IDH2: variants seen among roughly 807,000 people sequenced by gnomAD.
IDH2 encodes isocitrate dehydrogenase (NADP(+)) 2.
IDH2 carries 18 observed loss-of-function variants against 50.5 expected under a neutral mutation model. The observed-to-expected ratio is 0.36, with a 90% CI of 0.25 to 0.53. IDH2 has a LOEUF of 0.53. Among genes scored for constraint, IDH2 ranks in the 20% least tolerant of loss-of-function variants. IDH2 has a pLI of 0.92. For missense variants in IDH2, 518 were observed against 610.7 expected (o/e 0.85, Z 1.60); for synonymous variants, 280 against 239.8 (o/e 1.17, Z -1.55).
At position 90,087,116 on chromosome 15, in the gene IDH2, G is replaced by T. The variant is rs1947278800; in HGVS notation, c.963C>A (p.Ala321=). The T allele has an allele frequency of 6.2e-7, 1 of 1,614,140 alleles. No individual in the cohort carries two copies. Among genetic ancestry groups the T allele is most frequent in the African/African-American group, 1.3e-5 (1 of 75,026 alleles). The change falls in exon 7 of 11, where the codon GCC becomes GCA. Residue 321 remains alanine, a synonymous_variant. Transcript: ENST00000330062. ...AGCAGCGTCCTCCCAGCGTACCCTGGGCCAGGATGTCTGACTGCACATCTC... is the reference window on the plus strand; with the variant it reads ...AGCAGCGTCCTCCCAGCGTACCCTGTGCCAGGATGTCTGACTGCACATCTC... ...YDGDVQSDIL[A]QGFGSLGLMT... is the part of the protein sequence containing the mutation.
Position 90,091,604 on chromosome 15 carries a change from C to T in IDH2, c.156G>A (p.Glu52=), listed in dbSNP as rs1157649607. Residue 52 remains glutamate (E), a synonymous_variant, in exon 2 of 11, where the codon GAG becomes GAA. Transcript: ENST00000330062. The part of the protein sequence containing the change: ...KRIKVAKPVV[E]MDGDEMTRII... The stretch of plus-strand genomic sequence containing the variant: ...TACGGGTCATCTCATCACCATCCAT[C>T]TCCACCACGGGCTTCGCCACCTTGA... 2 of 1,614,116 alleles carry T rather than the reference C, an allele frequency of 1.2e-6. No individual in the cohort carries two copies. The highest frequency in any genetic ancestry group is 1.7e-6 in the Non-Finnish European group (2 of 1,180,034).
chr15:90,089,841 G>C (rs897752201), intron 3 of IDH2, among the ~76,000 whole-genome samples: 3 of 152,182 alleles, frequency 2.0e-5, no homozygotes, highest in Non-Finnish European at 4.4e-5. Flanking sequence ...GTCTAGGCCT[G>C]GTGGGGGCAC....
intron 6 of IDH2, 38 bp downstream of exon 6, chr15:90,087,401 G>A: frequency 6.2e-7 from 1 of 1,613,992 alleles, no homozygotes; most frequent in South Asian, 1.1e-5. Context: ...ATGGGGGGAA[G>A]GGAAGAAAGG....
chr15:90,095,620 A>T (rs1377353962), intron 1 of IDH2, among the ~76,000 whole-genome samples: 1 of 152,088 alleles, frequency 6.6e-6, no homozygotes, highest in African/African-American at 2.4e-5. Flanking sequence ...AAGATCAAAG[A>T]CCTGATGTGT....
chr15:90,084,498 G>A lies in IDH2; in HGVS notation c.1272-145C>T. The A allele has an allele frequency of 1.3e-6, 1 of 775,818 alleles. No individual in the cohort carries two copies. The highest frequency in any genetic ancestry group is 1.5e-5 in the South Asian group (1 of 67,428). The allele number at this position is 775,818 out of a possible 1,614,324, so 48.1% of individuals were successfully genotyped here. On this transcript the variant is annotated intron_variant, in intron 10 of 10. Coordinates refer to ENST00000330062, the MANE Select transcript of IDH2 (RefSeq NM_002168.4). This position sits in a 1 kb window ranked among gnomAD's most constrained non-coding sequence, Gnocchi z 5.0. ...GACTACAGGCCAGAGGCCAGCTATA[G>A]CCCCCTACCATGAGGCCACCGAGAT...
At chr15:90,087,601 G>C in intron 5 of IDH2, 26 bp from the exon 6 acceptor site, 2 of 1,612,250 alleles carry the variant, frequency 1.2e-6, no homozygotes, top group Non-Finnish European at 1.7e-6. Flanking sequence ...CAGGGCCCTG[G>C]CGTGGTGCCC....
intron 1 of IDH2, among the ~76,000 whole-genome samples, chr15:90,094,985 C>T (rs758575012): frequency 8.5e-5 from 13 of 152,086 alleles, no homozygotes; most frequent in Non-Finnish European, 1.9e-4. Flanking sequence ...GGCCTAGAAA[C>T]CACCTCGGCA....
intron 2 of IDH2, 33 bp from the exon 3 acceptor site, chr15:90,090,677 CCA>C: frequency 3.1e-6 from 5 of 1,611,626 alleles, no homozygotes; most frequent in Non-Finnish European, 4.2e-6. Context: ...AGGCGTCACC[CCA>C]GTGACTCAGG....
In IDH2 at chr15:90,087,168, A is replaced by C. The variant is rs780922457; in HGVS notation, c.911T>G (p.Phe304Cys). ...VAQVLKSSGG[F>C]VWACKNYDGD... Reference sequence around the variant, plus strand: ...GTCATAGTTCTTGCAGGCCCACACAAAGCCACCCGAAGACTTGAGGACCTG... The same window carrying C: ...GTCATAGTTCTTGCAGGCCCACACACAGCCACCCGAAGACTTGAGGACCTG... The change falls in exon 7 of 11, where the codon TTT (phenylalanine) becomes TGT (cysteine). Residue 304 changes from phenylalanine (F) to cysteine (C), a missense_variant. Coordinates refer to ENST00000330062, the MANE Select transcript of IDH2 (RefSeq NM_002168.4). 6.2e-7 allele frequency: 1 copy of C among 1,614,062 alleles called. No individual in the cohort carries two copies. Among genetic ancestry groups the C allele is most frequent in the Admixed American group, 1.7e-5 (1 of 59,998 alleles).
chr15:90,085,390 G>A lies in IDH2; in HGVS notation c.968-3C>T. ...CATCAGGCCAAGGGAGCCAAAGCCT[G>A]GAGGGTAGAAAGCCTTTCTCTCAGG... On this transcript the variant is annotated splice_region_variant and splice_polypyrimidine_tract_variant and intron_variant, in intron 7 of 10. Transcript: ENST00000330062. The surrounding 1 kb of genome is among the most constrained non-coding windows in gnomAD (Gnocchi z 5.5). 1 of 1,551,784 alleles carries A rather than the reference G, an allele frequency of 6.4e-7. No individual in the cohort carries two copies. Among genetic ancestry groups the A allele is most frequent in the Admixed American group, 2.0e-5 (1 of 51,160 alleles).
Position 90,098,540 on chromosome 15 carries a change from A to ATGTATGCATGCATGTATGTATGTG in IDH2, c.115+3735_115+3736insCACATACATACATGCATGCATACA, listed in dbSNP as rs1555462248. Among the ~76,000 whole-genome samples, 1 of 146,696 alleles carries ATGTATGCATGCATGTATGTATGTG rather than the reference A, an allele frequency of 6.8e-6. No homozygotes were observed. The highest frequency in any genetic ancestry group is 1.5e-5 in the Non-Finnish European group (1 of 66,208). ...TATGTATGTATGCATGCATGTATGT[A>ATGTATGCATGCATGTATGTATGTG]TGTATGTATGTATGTATGTATTGAG... On this transcript the variant is annotated intron_variant, in intron 1 of 10. Transcript: ENST00000330062. This position sits in a 1 kb window ranked among gnomAD's most constrained non-coding sequence, Gnocchi z 5.1.
At chr15:90,101,206 G>T (rs964702947) in intron 1 of IDH2, among the ~76,000 whole-genome samples, 1 of 152,022 alleles carries the variant, frequency 6.6e-6, no homozygotes. Flanking sequence ...CCCACAATCC[G>T]GTTAACCATT....
intron 1 of IDH2, among the ~76,000 whole-genome samples, chr15:90,101,377 G>A (rs1001004892): frequency 2.6e-5 from 4 of 152,196 alleles, no homozygotes; most frequent in African/African-American, 9.7e-5. Flanking sequence ...TTTTGTAGCT[G>A]TGTTGGGTAG....
intron 1 of IDH2, among the ~76,000 whole-genome samples, chr15:90,095,216 G>A (rs1901151441): frequency 6.6e-6 from 1 of 152,110 alleles, no homozygotes; most frequent in South Asian, 2.1e-4. Context: ...CAGATGTAGA[G>A]AAGCAGAACA....
intron 1 of IDH2, among the ~76,000 whole-genome samples, chr15:90,097,680 AG>A (rs35474715): frequency 0.42 from 63,760 of 151,866 alleles, 15,374 homozygotes; most frequent in Non-Finnish European, 0.56. Context: ...GGAAGTGGGG[AG>A]GTATTGTTTC....
rs994743873 is a variant in IDH2, at chr15:90,090,475, G to A, written c.373+4C>T. 5.6e-6 allele frequency: 9 copies of A among 1,612,606 alleles called. No individual in the cohort carries two copies. The highest frequency in any genetic ancestry group is 2.2e-5 in the East Asian group (1 of 44,896). ...CTGGCCCGCCCACCTCCACACCCTC[G>A]CACCTTCCACACGGGCCTCATCAGG... On this transcript the variant is annotated splice_donor_region_variant and intron_variant, in intron 3 of 10. Transcript: ENST00000330062.
At chr15:90,088,316 A>T in intron 5 of IDH2, 43 bp downstream of exon 5, 1 of 1,609,340 alleles carries the variant, frequency 6.2e-7, no homozygotes, top group Non-Finnish European at 8.5e-7. Context: ...ATGAAGAGAC[A>T]AGCTGGGAGA....
intron 3 of IDH2, among the ~76,000 whole-genome samples, chr15:90,089,895 C>T (rs1900986648): frequency 6.6e-6 from 1 of 152,152 alleles, no homozygotes; most frequent in Non-Finnish European, 1.5e-5. Flanking sequence ...GGCAGACCTG[C>T]AAGGCCAAGC....
At position 90,102,316 on chromosome 15, in the gene IDH2, G is replaced by C; in HGVS notation, c.75C>G (p.Ala25=). ...GCTCTTGCGAGGTGGGGGCTGTCAG[G>C]GCCGCCGGCGCCCAGGCCGGCCGCG... is the stretch of plus-strand genomic sequence containing the variant. ...SGSRPAWAPA[A]LTAPTSQEQP... The change falls in exon 1 of 11, where the codon GCC becomes GCG. Residue 25 remains alanine (A), a synonymous_variant. Transcript: ENST00000330062. 1 of 1,357,234 alleles carries C rather than the reference G, an allele frequency of 7.4e-7. No individual in the cohort carries two copies. Among genetic ancestry groups the C allele is most frequent in the Non-Finnish European group, 9.6e-7 (1 of 1,044,382 alleles). The allele number at this position is 1,357,234 out of a possible 1,614,324, so 84.1% of individuals were successfully genotyped here. A position where few individuals can be genotyped will look rare whatever the true frequency, so the allele number is the denominator to read the frequency against.
Sources: gnomAD v4.1 joint callset for allele counts (sites outside exome capture counted in the v4.1 genomes callset) on GRCh38, gnomAD v4.1.1 for gene constraint, Gnocchi (gnomAD v3.1) non-coding constraint, MANE v1.5 for transcripts, NCBI Gene and HGNC (gene_info 2026-07-23, HGNC 2026-07-21) for gene names.